The following CDH8 variants were observed in gnomAD, a reference collection of about 807,000 sequenced individuals.
The protein encoded by CDH8 is cadherin 8.
In CDH8, 17 loss-of-function variants were observed where a neutral mutation model predicts 68.1. That is an observed-to-expected ratio of 0.25 (90% CI 0.17 to 0.37). CDH8 has a LOEUF of 0.37. CDH8 is among the 10% of genes least tolerant of loss of function. The probability of loss-of-function intolerance (pLI) is 1.00; values close to 1 mark genes in which losing one functional copy is unlikely to be tolerated. For synonymous variants in CDH8, 372 were observed against 365.1 expected (o/e 1.02, Z -0.21); for missense variants, 763 against 999.3 (o/e 0.76, Z 3.19).
chr16:61,958,707 T>C (rs1965026732), intron 2 of CDH8, among the ~76,000 whole-genome samples: 1 of 152,182 alleles, frequency 6.6e-6, no homozygotes, highest in Admixed American at 6.5e-5. Context: ...TGAAACTATT[T>C]GTATCAGGAG....
chr16:61,704,509 A>C (rs2142854757), intron 10 of CDH8, among the ~76,000 whole-genome samples: 1 of 152,340 alleles, frequency 6.6e-6, no homozygotes. Flanking sequence ...AGTAATTTCT[A>C]TGGTAAAGAT....
intron 10 of CDH8, among the ~76,000 whole-genome samples, chr16:61,687,419 C>T (rs909350667): frequency 3.3e-5 from 5 of 152,078 alleles, no homozygotes; most frequent in African/African-American, 1.2e-4. Context: ...GATAGTCTAA[C>T]TACTTTTCTA....
At chr16:61,945,209 C>A (rs114934828) in intron 2 of CDH8, among the ~76,000 whole-genome samples, 1 of 152,052 alleles carries the variant, frequency 6.6e-6, no homozygotes, top group South Asian at 2.1e-4. Context: ...CTAAAGAAGA[C>A]GTGAGATTAT....
intron 2 of CDH8, among the ~76,000 whole-genome samples, chr16:61,924,678 TG>T: frequency 7.1e-6 from 1 of 141,302 alleles, no homozygotes; most frequent in Non-Finnish European, 1.5e-5. Context: ...TATTAGTTTC[TG>T]TTTTTTTTTT....
chr16:62,024,236 A>C (rs925197227), intron 1 of CDH8, among the ~76,000 whole-genome samples: 5 of 152,082 alleles, frequency 3.3e-5, no homozygotes, highest in Non-Finnish European at 2.9e-5. Context: ...TACACTGACC[A>C]GTTGTATAAC....
At chr16:61,960,799 C>T (rs941852617) in intron 2 of CDH8, among the ~76,000 whole-genome samples, 2 of 152,088 alleles carry the variant, frequency 1.3e-5, no homozygotes, top group African/African-American at 4.8e-5. Context: ...ATACTTCATC[C>T]TTTTAAAAAA....
At chr16:61,669,886 C>T (rs918717920) in intron 10 of CDH8, among the ~76,000 whole-genome samples, 1 of 152,042 alleles carries the variant, frequency 6.6e-6, no homozygotes, top group African/African-American at 2.4e-5. Context: ...TAGCGTTTTT[C>T]TCTAACCTCT....
intron 4 of CDH8, among the ~76,000 whole-genome samples, chr16:61,830,757 G>C (rs1250203659): frequency 2.0e-5 from 3 of 151,744 alleles, no homozygotes; most frequent in African/African-American, 7.3e-5. Flanking sequence ...GTGACAAAAT[G>C]CTTTCCTCTG....
intron 8 of CDH8, among the ~76,000 whole-genome samples, chr16:61,767,804 A>C (rs1297066794): frequency 6.6e-6 from 1 of 151,970 alleles, no homozygotes; most frequent in Non-Finnish European, 1.5e-5. Flanking sequence ...TAATTTGTTA[A>C]GTTACAATAA....
At chr16:61,735,628 T>C (rs1959657353) in intron 8 of CDH8, among the ~76,000 whole-genome samples, 1 of 152,164 alleles carries the variant, frequency 6.6e-6, no homozygotes, top group African/African-American at 2.4e-5. Flanking sequence ...TAGTGGTTTA[T>C]CTATATATTC....
intron 3 of CDH8, among the ~76,000 whole-genome samples, chr16:61,900,647 T>TA (rs1189138382): frequency 2.6e-5 from 4 of 152,280 alleles, no homozygotes; most frequent in South Asian, 2.1e-4. Context: ...CAGTCACTCC[T>TA]AAAAAATGTT....
In CDH8 at chr16:61,669,542, C is replaced by T. The variant is rs148992682; in HGVS notation, c.1655-13821G>A. Among the ~76,000 whole-genome samples, 166 of 152,070 alleles carry T rather than the reference C, an allele frequency of 1.1e-3. 1 individual carries two copies. In the East Asian group the frequency reaches 0.029, roughly 26 times the overall value. ...TTGATGAAGGAACAGATAGATAGTT[C>T]GGTAAGTGAGGAAAATGATTACGCA... On this transcript the variant is annotated intron_variant, in intron 10 of 11. Coordinates refer to ENST00000577390, the MANE Select transcript of CDH8 (RefSeq NM_001796.5).
chr16:61,712,313 T>A (rs1964645799), intron 10 of CDH8, among the ~76,000 whole-genome samples: 1 of 151,686 alleles, frequency 6.6e-6, no homozygotes, highest in South Asian at 2.1e-4. Context: ...ATTCACCCAA[T>A]ACCTTATGTG....
At chr16:62,020,500 A>G (rs76585977) in intron 2 of CDH8, among the ~76,000 whole-genome samples, 1,508 of 19,888 alleles carry the variant, frequency 0.076, 8 homozygotes, top group South Asian at 0.16. Context: ...GCGCGCGCGC[A>G]CACACACACA....
At chr16:61,879,492 C>CA (rs1270470339) in intron 3 of CDH8, among the ~76,000 whole-genome samples, 4 of 152,154 alleles carry the variant, frequency 2.6e-5, no homozygotes, top group African/African-American at 9.7e-5. Context: ...CCAAAATAGT[C>CA]ATGTAAGACC....
At chr16:61,822,352 G>A (rs779005836) in intron 5 of CDH8, among the ~76,000 whole-genome samples, 21 of 149,262 alleles carry the variant, frequency 1.4e-4, no homozygotes, top group Non-Finnish European at 2.5e-4. Flanking sequence ...TCTGTTTCTG[G>A]GGAACCCAAA....
At chr16:61,959,690 C>T (rs571075082) in intron 2 of CDH8, among the ~76,000 whole-genome samples, 3 of 148,598 alleles carry the variant, frequency 2.0e-5, no homozygotes, top group African/African-American at 7.5e-5. Context: ...AAATCTTTCT[C>T]TCTGTATGTG....
intron 10 of CDH8, among the ~76,000 whole-genome samples, chr16:61,696,556 C>A (rs781119802): frequency 6.6e-6 from 1 of 152,072 alleles, no homozygotes; most frequent in Non-Finnish European, 1.5e-5. Flanking sequence ...CTGGAGATTT[C>A]TCAAATAATT....
intron 4 of CDH8, among the ~76,000 whole-genome samples, chr16:61,837,421 C>T (rs1157361555): frequency 6.6e-6 from 1 of 151,948 alleles, no homozygotes; most frequent in Non-Finnish European, 1.5e-5. Context: ...CTATTTTATA[C>T]AGATTAAGGA....
Sources: allele counts gnomAD v4.1 joint callset (sites outside exome capture counted in the v4.1 genomes callset), GRCh38; gene constraint gnomAD v4.1.1; transcripts MANE v1.5; gene names NCBI Gene and HGNC (gene_info 2026-07-23, HGNC 2026-07-21).